RUBCNL: variants seen among roughly 807,000 people sequenced by gnomAD.
RUBCNL encodes the protein protein associated with UVRAG as autophagy enhancer.
RUBCNL carries 62 observed loss-of-function variants against 69.5 expected under a neutral mutation model. The ratio of observed to expected loss-of-function variants is 0.89; its 90% CI spans 0.73 to 1.10. The LOEUF (loss-of-function observed/expected upper bound fraction) is 1.10, where lower values mean the gene tolerates loss of function less well. Among genes scored for constraint, RUBCNL ranks in the 50% least tolerant of loss-of-function variants. RUBCNL has a pLI of 0.00. For synonymous variants in RUBCNL, 291 were observed against 303.6 expected, an observed-to-expected ratio of 0.96 and a Z score of 0.43; for missense variants, 768 against 798.1, an observed-to-expected ratio of 0.96 and a Z score of 0.45.
chr13:46,361,397 A>C (rs200535398), intron 8 of RUBCNL, 44 bp downstream of exon 8: 123 of 1,607,406 alleles, frequency 7.7e-5, no homozygotes, highest in Non-Finnish European at 1.8e-5. Flanking sequence ...CAAAATGAGG[A>C]TTTAGGAACT....
chr13:46,368,496 TG>T (rs1566082582), intron 4 of RUBCNL: 1 of 985,368 alleles, frequency 1.0e-6, no homozygotes, highest in Non-Finnish European at 1.2e-6. Context: ...AACCTTAGGT[TG>T]GGGGAAGCCT....
At chr13:46,373,260 C>T (rs898840845) in intron 2 of RUBCNL, among the ~76,000 whole-genome samples, 1 of 152,206 alleles carries the variant, frequency 6.6e-6, no homozygotes, top group African/African-American at 2.4e-5. Flanking sequence ...ATGCATGAGC[C>T]ACTGCGCCCA....
intron 2 of RUBCNL, among the ~76,000 whole-genome samples, chr13:46,377,145 T>C (rs2049012076): frequency 6.6e-6 from 1 of 152,262 alleles, no homozygotes; most frequent in South Asian, 2.1e-4. Context: ...TGGTTTATCC[T>C]CAATTTTCTA....
At chr13:46,356,367 C>T (rs1161227925) in intron 10 of RUBCNL, 65 bp downstream of exon 10, 3 of 1,501,462 alleles carry the variant, frequency 2.0e-6, no homozygotes, top group South Asian at 2.4e-5. Context: ...CAATGCGCTG[C>T]CCTACTTTGC....
chr13:46,375,860 G>A (rs2048981173), intron 2 of RUBCNL, among the ~76,000 whole-genome samples: 1 of 152,144 alleles, frequency 6.6e-6, no homozygotes. Flanking sequence ...TGAACTTTGT[G>A]GGTCCACTAA....
At chr13:46,343,954 G>A (rs1271848257) in intron 14 of RUBCNL, among the ~76,000 whole-genome samples, 3 of 152,152 alleles carry the variant, frequency 2.0e-5, no homozygotes, top group Non-Finnish European at 4.4e-5. Flanking sequence ...TTGGAACAAT[G>A]CTGAAAGGCC....
Position 46,339,282 on chromosome 13 carries a change from G to A in RUBCNL, c.*4103C>T, listed in dbSNP as rs1328495741. On this transcript the variant is annotated 3_prime_UTR_variant, in exon 15 of 15. Coordinates refer to ENST00000429979, the MANE Select transcript of RUBCNL (RefSeq NM_025113.5). ...TAGTGAAGTGAAAAAGGGGAACTAC[G>A]GTTTTCCTTCCCATACCAGTTGAGA... Among the ~76,000 whole-genome samples the A allele has an allele frequency of 6.6e-6, 1 of 152,034 alleles. No homozygotes were observed. Among genetic ancestry groups the A allele is most frequent in the Non-Finnish European group, 1.5e-5 (1 of 67,988 alleles).
Position 46,346,460 on chromosome 13 carries a change from C to T in RUBCNL, c.1632-860G>A, listed in dbSNP as rs573573011. Among the ~76,000 whole-genome samples, 8 of 152,282 alleles carry T rather than the reference C, an allele frequency of 5.3e-5. No individual in the cohort carries two copies. In the South Asian group the frequency reaches 6.2e-4, roughly 12 times the overall value. Reference sequence around the variant, plus strand: ...CTCCGTTTGTATCCTCATGGTCCCCCGACACGTGTCTAACACTCAGTCCAG... The same window carrying T: ...CTCCGTTTGTATCCTCATGGTCCCCTGACACGTGTCTAACACTCAGTCCAG... On this transcript the variant is annotated intron_variant, in intron 12 of 14. Coordinates refer to ENST00000429979, the MANE Select transcript of RUBCNL (RefSeq NM_025113.5).
intron 2 of RUBCNL, among the ~76,000 whole-genome samples, chr13:46,373,938 T>C (rs1341571404): frequency 6.6e-6 from 1 of 152,262 alleles, no homozygotes; most frequent in Non-Finnish European, 1.5e-5. Context: ...TGCTTTTCCC[T>C]CTTCCAATTG....
Position 46,335,239 on chromosome 13 carries a change from C to T in RUBCNL, c.*8146G>A, listed in dbSNP as rs2764595. ...ACCATTGTGCCCAGCTAATTTGTGT[C>T]TTTTTGTTGTTGTTGTTGTTGTTTT... On this transcript the variant is annotated 3_prime_UTR_variant, in exon 15 of 15. Coordinates refer to ENST00000429979, the MANE Select transcript of RUBCNL (RefSeq NM_025113.5). Among the ~76,000 whole-genome samples the T allele has an allele frequency of 0.42, 52,849 of 127,212 alleles. 10,753 individuals carry two copies. Among genetic ancestry groups the T allele is most frequent in the East Asian group, 0.57 (2,283 of 4,014 alleles). The allele number at this position is 127,212 out of a possible 152,430, so 83.5% of individuals were successfully genotyped here.
chr13:46,362,106 A>G (rs2762010), intron 7 of RUBCNL, among the ~76,000 whole-genome samples: 44,783 of 151,108 alleles, frequency 0.3, 7,933 homozygotes, highest in East Asian at 0.58. Context: ...GTGTGGTGGC[A>G]GGTGCCTATA....
At chr13:46,359,114 A>T (rs753121947) in intron 9 of RUBCNL, among the ~76,000 whole-genome samples, 3 of 152,006 alleles carry the variant, frequency 2.0e-5, no homozygotes, top group Non-Finnish European at 4.4e-5. Context: ...CCCCATCTCT[A>T]ATTTTTTTAA....
At chr13:46,388,486 C>CAAGG (rs983957691), upstream of RUBCNL, among the ~76,000 whole-genome samples, 6 of 145,032 alleles carry the variant, frequency 4.1e-5, no homozygotes, top group African/African-American at 1.0e-4. Context: ...GAACCAAAGC[C>CAAGG]AAGGAAGGAA....
chr13:46,358,074 T>C (rs1212226384), intron 9 of RUBCNL, among the ~76,000 whole-genome samples: 2 of 152,152 alleles, frequency 1.3e-5, no homozygotes, highest in Non-Finnish European at 2.9e-5. Flanking sequence ...CCAGGTGCCA[T>C]AGTGAGGACC....
intron 1 of RUBCNL, among the ~76,000 whole-genome samples, chr13:46,379,240 C>T (rs888030907): frequency 3.3e-5 from 5 of 152,156 alleles, no homozygotes; most frequent in Admixed American, 3.3e-4. Context: ...CCATGCCTGG[C>T]TAATTTTTAG....
chr13:46,344,731 T>C lies in RUBCNL; in HGVS notation c.1876+10A>G, dbSNP rs568055277. The C allele has an allele frequency of 1.4e-5, 22 of 1,572,626 alleles. No homozygotes were observed. The East Asian group carries it at 4.5e-4, about 32-fold the overall frequency. On this transcript the variant is annotated intron_variant, in intron 14 of 14. Transcript: ENST00000429979. ...TATTATTAAGCTTATGTTATTAAGT[T>C]ATTAAATACCTGAACATCTTCTACA...
In RUBCNL at chr13:46,341,731, G is replaced by T. The variant is rs2048144761; in HGVS notation, c.*1654C>A. 6.6e-6 allele frequency among the ~76,000 whole-genome samples: 1 copy of T among 152,200 alleles called. No individual in the cohort carries two copies. Among genetic ancestry groups the T allele is most frequent in the Non-Finnish European group, 1.5e-5 (1 of 68,034 alleles). On this transcript the variant is annotated 3_prime_UTR_variant, in exon 15 of 15. Coordinates refer to ENST00000429979, the MANE Select transcript of RUBCNL (RefSeq NM_025113.5). ...GTTGGAGCAACACTTACCAGTTAAG[G>T]TTGTTTTTACTCCTTTGTCTTGAAA... is the stretch of plus-strand genomic sequence containing the variant.
At chr13:46,344,395 C>T (rs928715361) in intron 14 of RUBCNL, among the ~76,000 whole-genome samples, 3 of 152,274 alleles carry the variant, frequency 2.0e-5, no homozygotes, top group Admixed American at 1.3e-4. Flanking sequence ...ACTCTGCCTC[C>T]GTGGCACAAA....
chr13:46,384,005 C>T (rs1335639390), intron 1 of RUBCNL, among the ~76,000 whole-genome samples: 2 of 152,162 alleles, frequency 1.3e-5, no homozygotes, highest in Admixed American at 6.5e-5. Context: ...AATATTCACA[C>T]AGCATGCAGC....
Sources: allele counts gnomAD v4.1 joint callset (sites outside exome capture counted in the v4.1 genomes callset), GRCh38; gene constraint gnomAD v4.1.1; transcripts MANE v1.5; gene names NCBI Gene and HGNC (gene_info 2026-07-23, HGNC 2026-07-21).